CEP72: variants seen among roughly 807,000 people sequenced by gnomAD.
CEP72 encodes the protein centrosomal protein of 72 kDa.
In CEP72, 78 loss-of-function variants were observed where a neutral mutation model predicts 65.7. That is an observed-to-expected ratio of 1.19 (90% CI 0.99 to 1.43). The LOEUF is 1.43. CEP72 is among the 40% of genes most tolerant of loss of function. The pLI, the probability that CEP72 is intolerant of heterozygous loss-of-function variation, is 0.00. For synonymous variants in CEP72, 358 were observed against 351.7 expected (o/e 1.02, Z -0.20); for missense variants, 914 against 832.9 (o/e 1.10, Z -1.20).
At chr5:622,832 G>A (rs933068658) in intron 3 of CEP72, among the ~76,000 whole-genome samples, 3 of 152,252 alleles carry the variant, frequency 2.0e-5, no homozygotes, top group African/African-American at 7.2e-5. Flanking sequence ...GGGAGGAATA[G>A]GCGCCTGTTT....
chr5:638,571 G>C (rs1206722994), intron 7 of CEP72, among the ~76,000 whole-genome samples: 1 of 151,786 alleles, frequency 6.6e-6, no homozygotes, highest in Non-Finnish European at 1.5e-5. Context: ...GGTGGGGGGG[G>C]GTCCCAGAGC....
intron 11 of CEP72, among the ~76,000 whole-genome samples, chr5:648,678 T>G: frequency 9.4e-6 from 1 of 106,070 alleles, no homozygotes; most frequent in Non-Finnish European, 1.8e-5. Flanking sequence ...GTGTGGACTG[T>G]GAGGCGTGAC....
intron 9 of CEP72, chr5:643,338 A>C (rs1390142741): frequency 1.0e-6 from 1 of 985,466 alleles, no homozygotes; most frequent in African/African-American, 1.7e-5. Flanking sequence ...CGCGGAGGGC[A>C]GGTCATGCTG....
In CEP72 at chr5:653,233, T is replaced by C; in HGVS notation, c.*80T>C. On this transcript the variant is annotated 3_prime_UTR_variant, in exon 12 of 12. Coordinates refer to ENST00000264935, the MANE Select transcript of CEP72 (RefSeq NM_018140.4). ...TGCACCTTTGTACTTCTTTATTGAG[T>C]GTACTGGCTGGCAAGAGTTCTCTCT... 7.6e-7 allele frequency: 1 copy of C among 1,320,950 alleles called. No individual in the cohort carries two copies. The highest frequency in any genetic ancestry group is 2.5e-5 in the East Asian group (1 of 39,230). 81.8% of individuals were successfully genotyped at this position (1,320,950 alleles called of 1,614,324 possible).
In CEP72 at chr5:619,124, T is replaced by A. The variant is rs1175606571; in HGVS notation, c.210+7T>A. Reference sequence around the variant, plus strand: ...CTCCTTGGTTAGTCTGGAGGTAAGTTTTAGGTCTCTTTCTTAAAATTTATT... The same window carrying A: ...CTCCTTGGTTAGTCTGGAGGTAAGTATTAGGTCTCTTTCTTAAAATTTATT... On this transcript the variant is annotated splice_region_variant and intron_variant, in intron 2 of 11. Coordinates refer to ENST00000264935, the MANE Select transcript of CEP72 (RefSeq NM_018140.4). 4.4e-6 allele frequency: 7 copies of A among 1,605,460 alleles called. No homozygotes were observed. Among genetic ancestry groups the A allele is most frequent in the Non-Finnish European group, 5.1e-6 (6 of 1,174,128 alleles).
the CEP72 span, among the ~76,000 whole-genome samples, chr5:673,746 G>A: frequency 6.6e-6 from 1 of 152,158 alleles, no homozygotes; most frequent in African/African-American, 2.4e-5. Context: ...TGGAGCAGGG[G>A]GCCAAGCTTT....
At chr5:675,493 G>T in the CEP72 span, among the ~76,000 whole-genome samples, 217 of 137,498 alleles carry the variant, frequency 1.6e-3, 2 homozygotes, top group African/African-American at 5.8e-3. Flanking sequence ...GGGGTACATT[G>T]TGGCCGGGGC....
At chr5:651,946 C>A (rs528431532) in intron 11 of CEP72, among the ~76,000 whole-genome samples, 4 of 152,154 alleles carry the variant, frequency 2.6e-5, no homozygotes, top group Non-Finnish European at 5.9e-5. Flanking sequence ...CGTAGCCAGG[C>A]TCTGCCCCTT....
At chr5:652,016 A>G in intron 11 of CEP72, among the ~76,000 whole-genome samples, 1 of 152,182 alleles carries the variant, frequency 6.6e-6, no homozygotes, top group East Asian at 1.9e-4. Context: ...ACAGAGGGGA[A>G]GGGTCCTGAA....
At chr5:668,180 T>G (rs373336797), downstream of CEP72, among the ~76,000 whole-genome samples, 1,397 of 42,130 alleles carry the variant, frequency 0.033, no homozygotes, top group Admixed American at 0.05. Context: ...CGGAGAGGGG[T>G]CCGCGTGGGC....
chr5:660,227 AT>A (rs1253524002), downstream of CEP72: 8 of 151,100 alleles, frequency 5.3e-5, no homozygotes, highest in East Asian at 1.9e-4. Flanking sequence ...ATATATATAT[AT>A]AAATTTGTTT....
chr5:638,527 G>T (rs1737775235), intron 7 of CEP72, among the ~76,000 whole-genome samples: 1 of 152,012 alleles, frequency 6.6e-6, no homozygotes, highest in Non-Finnish European at 1.5e-5. Context: ...AGGGAGGCAT[G>T]GCCGGAGCTA....
intron 4 of CEP72, among the ~76,000 whole-genome samples, chr5:627,147 T>TG (rs1736807397): frequency 6.6e-6 from 1 of 152,220 alleles, no homozygotes; most frequent in Admixed American, 6.5e-5. Context: ...TTTTGGAAGG[T>TG]TATTAACTAT....
chr5:631,916 G>A lies in CEP72; in HGVS notation c.513-1853G>A, dbSNP rs1381554711. ...GGGTTCTGTCCAGTGCCGGGATTTG[G>A]CCCAGTCCTGGTGGGGTTCTGTCCA... is the stretch of plus-strand genomic sequence containing the variant. On this transcript the variant is annotated intron_variant, in intron 4 of 11. Coordinates refer to ENST00000264935, the MANE Select transcript of CEP72 (RefSeq NM_018140.4). Among the ~76,000 whole-genome samples, 14 of 41,506 alleles carry A rather than the reference G, an allele frequency of 3.4e-4. No individual in the cohort carries two copies. The East Asian group carries it at 5.3e-3, about 16-fold the overall frequency. 27.2% of individuals were successfully genotyped at this position (41,506 alleles called of 152,430 possible).
rs374587043 is a variant in CEP72, at chr5:652,968, G to A, written c.1779-20G>A. The A allele has an allele frequency of 8.2e-6, 13 of 1,586,274 alleles. No homozygotes were observed. The highest frequency in any genetic ancestry group is 6.7e-5 in the African/African-American group (5 of 74,262). On this transcript the variant is annotated intron_variant, in intron 11 of 11. Coordinates refer to ENST00000264935, the MANE Select transcript of CEP72 (RefSeq NM_018140.4). ...GAGAGGACGGAAGTGCCAAGCAGCC[G>A]CTTCCCTGTTGTTCTGCAGCTCCCT...
intron 1 of CEP72, among the ~76,000 whole-genome samples, chr5:617,289 A>C (rs193044944): frequency 3.5e-4 from 54 of 152,230 alleles, no homozygotes; most frequent in African/African-American, 1.2e-3. Flanking sequence ...CCTCCAGGGC[A>C]GTGGGTCTAA....
intron 4 of CEP72, among the ~76,000 whole-genome samples, chr5:629,736 T>C (rs6884952): frequency 3.4e-4 from 7 of 20,454 alleles, no homozygotes; most frequent in African/African-American, 1.2e-3. Flanking sequence ...GGGATTTGAC[T>C]CAGTCCTGGT....
chr5:644,768 C>G lies in CEP72; in HGVS notation c.1666+343C>G, dbSNP rs537870511. Among the ~76,000 whole-genome samples, 5 of 152,296 alleles carry G rather than the reference C, an allele frequency of 3.3e-5. No homozygotes were observed. In the East Asian group the frequency reaches 9.7e-4, roughly 29 times the overall value. On this transcript the variant is annotated intron_variant, in intron 10 of 11. Transcript: ENST00000264935. ...TTGCTGCTCCTGTCTGGCGTCCTCC[C>G]ATGGTTATGCTGCCATCGAATTTGG...
At position 623,570 on chromosome 5, in the gene CEP72, A is replaced by G. The variant is rs544662461; in HGVS notation, c.404-901A>G. On this transcript the variant is annotated intron_variant, in intron 3 of 11. Coordinates refer to ENST00000264935, the MANE Select transcript of CEP72 (RefSeq NM_018140.4). The surrounding 1 kb of genome is among the most constrained non-coding windows in gnomAD (Gnocchi z 5.3). ...ATGTTCTTGGAGTACGGGATTTGGAACTGACTCAGAAGGGAAGCGAGTCTT... is the reference window on the plus strand; with the variant it reads ...ATGTTCTTGGAGTACGGGATTTGGAGCTGACTCAGAAGGGAAGCGAGTCTT... 1.9e-4 allele frequency among the ~76,000 whole-genome samples: 29 copies of G among 151,752 alleles called. No homozygotes were observed. Among genetic ancestry groups the G allele is most frequent in the African/African-American group, 6.8e-4 (28 of 41,338 alleles).
Sources: gnomAD v4.1 joint callset for allele counts (sites outside exome capture counted in the v4.1 genomes callset) on GRCh38, gnomAD v4.1.1 for gene constraint, Gnocchi (gnomAD v3.1) non-coding constraint, MANE v1.5 for transcripts, NCBI Gene and HGNC (gene_info 2026-07-23, HGNC 2026-07-21) for gene names.